Variants in CRCP observed in about 807,000 individuals in gnomAD.
The protein encoded by CRCP is DNA-directed RNA polymerase III subunit RPC9.
Under a neutral mutation model 18.5 loss-of-function variants are expected in CRCP, and 18 were observed. The observed-to-expected ratio is 0.97, with a 90% CI of 0.67 to 1.44. CRCP has a LOEUF of 1.44. CRCP is among the 40% of genes most tolerant of loss of function. The pLI, the probability that CRCP is intolerant of heterozygous loss-of-function variation, is 0.00. For synonymous variants in CRCP, 53 were observed against 62.9 expected (o/e 0.84, Z 0.75); for missense variants, 130 against 176.4 (o/e 0.74, Z 1.49).
intron 4 of CRCP, among the ~76,000 whole-genome samples, chr7:66,135,307 A>G (rs1267023447): frequency 6.6e-6 from 1 of 152,242 alleles, no homozygotes. Context: ...AACCAAAGTA[A>G]TTCTTCTCTA....
intron 3 of CRCP, among the ~76,000 whole-genome samples, chr7:66,131,953 G>A (rs1479686946): frequency 2.0e-5 from 1 of 50,260 alleles, no homozygotes. Context: ...TAGAGACAGG[G>A]TTTCTCCATG....
intron 4 of CRCP, among the ~76,000 whole-genome samples, chr7:66,138,511 C>T (rs1034510211): frequency 6.6e-6 from 1 of 150,702 alleles, no homozygotes; most frequent in Non-Finnish European, 1.5e-5. Flanking sequence ...CTAGCCTGGG[C>T]GCGGTGGCTC....
chr7:66,133,457 G>A (rs1168174992), intron 3 of CRCP, among the ~76,000 whole-genome samples: 1 of 149,754 alleles, frequency 6.7e-6, no homozygotes, highest in East Asian at 2.0e-4. Context: ...GCAGTGAGCC[G>A]AGATCGTGCC....
At chr7:66,148,772 G>A (rs759868231) in intron 5 of CRCP, among the ~76,000 whole-genome samples, 10 of 152,244 alleles carry the variant, frequency 6.6e-5, no homozygotes, top group Non-Finnish European at 1.0e-4. Flanking sequence ...AGGCCTGTTA[G>A]TGATTTCGTG....
rs1422996103 is a variant in CRCP at position 66,153,271 on chromosome 7, C to G, written c.*914C>G. 1 of 152,416 alleles carries G rather than the reference C, an allele frequency of 6.6e-6. No homozygotes were observed. The highest frequency in any genetic ancestry group is 1.9e-4 in the East Asian group (1 of 5,154). The allele number at this position is 152,416 out of a possible 1,614,324, so 9.4% of individuals were successfully genotyped here. ...TCACCAACATGGAAAAACCCCATCT[C>G]TACTAAAAAAATACAAAATTAACCA... On this transcript the variant is annotated 3_prime_UTR_variant, in exon 6 of 6. Coordinates refer to ENST00000395326, the MANE Select transcript of CRCP (RefSeq NM_014478.5).
In CRCP at chr7:66,124,836, A is replaced by G. The variant is rs1787573681; in HGVS notation, c.9-2868A>G. Among the ~76,000 whole-genome samples, 3 of 149,174 alleles carry G rather than the reference A, an allele frequency of 2.0e-5. 1 individual carries two copies. In the South Asian group the frequency reaches 6.4e-4, roughly 32 times the overall value. On this transcript the variant is annotated intron_variant, in intron 1 of 5. Transcript: ENST00000395326. ...TAGCTACAGTCGCCTTATCACACTC[A>G]GGAAACTTAGCGATGATAATCTACT...
intron 3 of CRCP, among the ~76,000 whole-genome samples, chr7:66,131,843 C>T (rs1363982075): frequency 6.6e-6 from 1 of 151,700 alleles, no homozygotes; most frequent in African/African-American, 2.4e-5. Flanking sequence ...CCTCGGCTCA[C>T]CTCTGGCTCC....
intron 4 of CRCP, among the ~76,000 whole-genome samples, chr7:66,135,731 G>A (rs573039903): frequency 1.3e-5 from 2 of 152,218 alleles, no homozygotes; most frequent in East Asian, 3.9e-4. Flanking sequence ...TAACCAGCCT[G>A]ACCAACATGG....
chr7:66,130,282 T>G (rs1787758649), intron 2 of CRCP: 1 of 219,208 alleles, frequency 4.6e-6, no homozygotes, highest in Non-Finnish European at 9.2e-6. Flanking sequence ...TTTTTTGTAT[T>G]TTTAGTAGAG....
In CRCP at chr7:66,145,444, G is replaced by A. The variant is rs775799319; in HGVS notation, c.241G>A (p.Ala81Thr). Reference sequence around the variant, plus strand: ...CAACGCTGTACTTTCCCTCCACAGAGCTGAGAAGCTCCAGCTGCTGAACCA... The same window carrying A: ...CAACGCTGTACTTTCCCTCCACAGAACTGAGAAGCTCCAGCTGCTGAACCA... ...TALKSHKLTK[A>T]EKLQLLNHRP... The change falls in exon 5 of 6, where the codon GCT becomes ACT. Residue 81 changes from alanine to threonine, a missense_variant and splice_region_variant. Ala to Thr is a moderately conservative substitution (Grantham distance 58, BLOSUM62 0). Coordinates refer to ENST00000395326, the MANE Select transcript of CRCP (RefSeq NM_014478.5). 2 of 1,613,880 alleles carry A rather than the reference G, an allele frequency of 1.2e-6. No homozygotes were observed. Among genetic ancestry groups the A allele is most frequent in the Admixed American group, 1.7e-5 (1 of 60,018 alleles).
At chr7:66,115,100 C>T in intron 1 of CRCP, 130 bp downstream of exon 1, 1 of 1,329,372 alleles carries the variant, frequency 7.5e-7, no homozygotes, top group Non-Finnish European at 1.0e-6. Flanking sequence ...CCGGCCCTGT[C>T]CGGGAGGGCC....
At chr7:66,128,105 G>A (rs1457039328) in intron 2 of CRCP, among the ~76,000 whole-genome samples, 2 of 128,014 alleles carry the variant, frequency 1.6e-5, no homozygotes, top group Admixed American at 9.1e-5. Context: ...ATAGACCAAG[G>A]CTCTGTCTCA....
intron 1 of CRCP, chr7:66,120,533 G>A (rs1054287100): frequency 4.9e-4 from 74 of 151,904 alleles, no homozygotes; most frequent in African/African-American, 1.7e-3. Context: ...AGGTCTGGAA[G>A]CCTAACTTCT....
chr7:66,138,621 T>TAAAA (rs34807364), intron 4 of CRCP, among the ~76,000 whole-genome samples: 5 of 93,398 alleles, frequency 5.4e-5, no homozygotes, highest in Non-Finnish European at 1.0e-4. Context: ...TCGTCTCTAC[T>TAAAA]AAAAAAAAAA....
At chr7:66,122,302 G>A (rs953049423) in intron 1 of CRCP, among the ~76,000 whole-genome samples, 1 of 151,330 alleles carries the variant, frequency 6.6e-6, no homozygotes, top group Non-Finnish European at 1.5e-5. Context: ...ATGAACCCGG[G>A]TGGCGGAGTT....
intron 4 of CRCP, among the ~76,000 whole-genome samples, chr7:66,142,012 G>T (rs1312947656): frequency 6.6e-6 from 1 of 152,136 alleles, no homozygotes; most frequent in Non-Finnish European, 1.5e-5. Context: ...GAGCGGTTGT[G>T]AATGTCTTTG....
chr7:66,138,405 T>A lies in CRCP; in HGVS notation c.239+4031T>A, dbSNP rs189560467. Among the ~76,000 whole-genome samples the A allele has an allele frequency of 2.5e-3, 385 of 151,836 alleles. 1 individual carries two copies. Among genetic ancestry groups the A allele is most frequent in the Non-Finnish European group, 4.0e-3 (270 of 67,938 alleles). ...TGAAAAATAATTAATTAAAAAAAAA[T>A]TTTAATCCGCTATCACTCTAACCCT... is the stretch of plus-strand genomic sequence containing the variant. On this transcript the variant is annotated intron_variant, in intron 4 of 5. Coordinates refer to ENST00000395326, the MANE Select transcript of CRCP (RefSeq NM_014478.5).
At position 66,154,488 on chromosome 7, in the gene CRCP, A is replaced by G. The variant is rs1411913137; in HGVS notation, c.*2131A>G. On this transcript the variant is annotated 3_prime_UTR_variant, in exon 6 of 6. Coordinates refer to ENST00000395326, the MANE Select transcript of CRCP (RefSeq NM_014478.5). ...AATAATAAATTGTTTCCAGGTAATTATCAAGTTTTGTCATTTTATAAATCT... is the reference window on the plus strand; with the variant it reads ...AATAATAAATTGTTTCCAGGTAATTGTCAAGTTTTGTCATTTTATAAATCT... 2 of 152,028 alleles carry G rather than the reference A, an allele frequency of 1.3e-5. No homozygotes were observed. The highest frequency in any genetic ancestry group is 4.8e-5 in the African/African-American group (2 of 41,396). The allele number at this position is 152,028 out of a possible 1,614,324, so 9.4% of individuals were successfully genotyped here. A position where few individuals can be genotyped will look rare whatever the true frequency, so the allele number is the denominator to read the frequency against.
intron 4 of CRCP, among the ~76,000 whole-genome samples, chr7:66,140,664 T>C (rs1386850361): frequency 6.6e-6 from 1 of 152,218 alleles, no homozygotes; most frequent in Non-Finnish European, 1.5e-5. Context: ...GTGCTGGGAT[T>C]ACAGGCATGA....
Sources: gnomAD v4.1 joint callset for allele counts (sites outside exome capture counted in the v4.1 genomes callset) on GRCh38, gnomAD v4.1.1 for gene constraint, MANE v1.5 for transcripts, NCBI Gene and HGNC (gene_info 2026-07-23, HGNC 2026-07-21) for gene names.